Variants in SREBF1 observed in about 807,000 individuals in gnomAD.
SREBF1 encodes the protein sterol regulatory element-binding protein 1.
A neutral mutation model predicts 100.1 loss-of-function variants in SREBF1; 45 were observed. The ratio of observed to expected loss-of-function variants is 0.45; its 90% CI spans 0.35 to 0.58. The LOEUF is 0.58. Ranked by LOEUF, SREBF1 falls within the 20% of genes least tolerant of loss-of-function variation. The pLI is 0.00. For missense variants in SREBF1, 1,324 were observed against 1,539.4 expected, an observed-to-expected ratio of 0.86 and a Z score of 2.34; for synonymous variants, 657 against 681.8, an observed-to-expected ratio of 0.96 and a Z score of 0.57.
chr17:17,826,883 G>C (rs1310791677), intron 1 of SREBF1, among the ~76,000 whole-genome samples: 2 of 152,190 alleles, frequency 1.3e-5, no homozygotes, highest in African/African-American at 2.4e-5. Context: ...CCCAAACAAG[G>C]CCTTGAACCC....
At chr17:17,813,191 AC>A in intron 18 of SREBF1, 176 bp downstream of exon 18, 1 of 692,300 alleles carries the variant, frequency 1.4e-6, no homozygotes. Context: ...GCGGCCTCCA[AC>A]TCCTGGGCTC....
At chr17:17,818,589 G>T (rs2033837946) in intron 5 of SREBF1, 2 of 596,710 alleles carry the variant, frequency 3.4e-6, no homozygotes, top group Non-Finnish European at 6.1e-6. Context: ...CAGACAGCAG[G>T]GTCTGGCTAG....
chr17:17,817,747 A>G lies in SREBF1; in HGVS notation c.1353T>C (p.Gly451=), dbSNP rs772980238. 1 of 1,613,420 alleles carries G rather than the reference A, an allele frequency of 6.2e-7. No individual in the cohort carries two copies. The highest frequency in any genetic ancestry group is 1.1e-5 in the South Asian group (1 of 91,076). The change falls in exon 7 of 19, where the codon GGT becomes GGC. Residue 451 remains glycine, a synonymous_variant. Transcript: ENST00000261646. The surrounding 1 kb of genome is among the most constrained non-coding windows in gnomAD (Gnocchi z 6.6). The stretch of plus-strand genomic sequence containing the variant: ...CAGGCTCCGAGTCACTGCCACTGCC[A>G]CCGCTGCCACTGCCCCTGCTGCCAA... ...LSLGSRGSGS[G]GSGSDSEPDS... is the part of the protein sequence containing the mutation.
chr17:17,812,907 G>A, intron 18 of SREBF1, 56 bp from the exon 19 acceptor site: 1 of 1,419,192 alleles, frequency 7.0e-7, no homozygotes. Context: ...GCCCCCGCGG[G>A]AGCCCTGCCC....
rs371518920 is a variant in SREBF1, at chr17:17,814,301, T to C, written c.2845A>G (p.Ser949Gly). ...PASLTICEKA[S>G]GYLQDSLATT... ...GCCAGGCTGTCCTGCAGGTACCCAC[T>C]GGCCTTCTCACAGATGGTCAGGCTG... Residue 949 changes from serine to glycine, a missense_variant, in exon 16 of 19, where the codon AGT becomes GGT. Ser to Gly is a moderately conservative substitution (Grantham distance 56). Transcript: ENST00000261646. 215 of 1,601,902 alleles carry C rather than the reference T, an allele frequency of 1.3e-4. No homozygotes were observed. Among genetic ancestry groups the C allele is most frequent in the Non-Finnish European group, 1.8e-4 (207 of 1,175,138 alleles).
In SREBF1 at chr17:17,811,989, G is replaced by C. The variant is rs2143008345; in HGVS notation, c.*633C>G. 1 of 444,946 alleles carries C rather than the reference G, an allele frequency of 2.2e-6. No individual in the cohort carries two copies. The highest frequency in any genetic ancestry group is 2.0e-5 in the African/African-American group (1 of 49,178). 27.6% of individuals were successfully genotyped at this position (444,946 alleles called of 1,614,324 possible). On this transcript the variant is annotated 3_prime_UTR_variant, in exon 19 of 19. Coordinates refer to ENST00000261646, the MANE Select transcript of SREBF1 (RefSeq NM_004176.5). ...GTTGTGTACCTTGTGGCCGGAGGGGGAGGGGAAGCCTTTCCCTAGGTGCTG... is the reference window on the plus strand; with the variant it reads ...GTTGTGTACCTTGTGGCCGGAGGGGCAGGGGAAGCCTTTCCCTAGGTGCTG...
At chr17:17,836,556 CCAGGGAGGCT>C (rs1453216282) in intron 1 of SREBF1, among the ~76,000 whole-genome samples, 161 bp downstream of exon 1, 1 of 152,184 alleles carries the variant, frequency 6.6e-6, no homozygotes, top group African/African-American at 2.4e-5. Flanking sequence ...AGCGCGGGAA[CCAGGGAGGCT>C]CGGTGAGGCT....
At position 17,815,905 on chromosome 17, in the gene SREBF1, G is replaced by A; in HGVS notation, c.2338C>T (p.Leu780Phe). The stretch of plus-strand genomic sequence containing the variant: ...TACAGGCTCTCCCATGGGGTACTGA[G>A]CACGGACCAGTCCCCATCCACGAAG... ...RFFVDGDWSV[L>F]STPWESLYSL... Residue 780 changes from leucine to phenylalanine, a missense_variant, in exon 12 of 19, where the codon CTC (leucine) becomes TTC (phenylalanine). Coordinates refer to ENST00000261646, the MANE Select transcript of SREBF1 (RefSeq NM_004176.5). The A allele has an allele frequency of 6.2e-7, 1 of 1,612,996 alleles. No individual in the cohort carries two copies. Among genetic ancestry groups the A allele is most frequent in the Middle Eastern group, 1.7e-4 (1 of 6,060 alleles).
rs1292989264 is a variant in SREBF1, at chr17:17,819,765, C to A, written c.524-40G>T. Reference sequence around the variant, plus strand: ...CATGGGGCTGCAGACACAGACCTCCCTCTCCCACTTTCAACCTGCTCTTCA... The same window carrying A: ...CATGGGGCTGCAGACACAGACCTCCATCTCCCACTTTCAACCTGCTCTTCA... On this transcript the variant is annotated intron_variant, in intron 2 of 18. Coordinates refer to ENST00000261646, the MANE Select transcript of SREBF1 (RefSeq NM_004176.5). 1.9e-6 allele frequency: 3 copies of A among 1,544,562 alleles called. No homozygotes were observed. In the African/African-American group the frequency reaches 4.1e-5, roughly 21 times the overall value.
chr17:17,823,764 C>A (rs111787349), intron 1 of SREBF1: 1 of 196,954 alleles, frequency 5.1e-6, no homozygotes, highest in African/African-American at 2.4e-5. Flanking sequence ...TGAGCGCGCG[C>A]GGCCAATCAG....
In SREBF1 at chr17:17,824,279, G is replaced by T. The variant is rs1039946949; in HGVS notation, c.92-3758C>A. Among the ~76,000 whole-genome samples, 1 of 152,320 alleles carries T rather than the reference G, an allele frequency of 6.6e-6. No homozygotes were observed. On this transcript the variant is annotated intron_variant, in intron 1 of 18. Transcript: ENST00000261646. This position sits in a 1 kb window ranked among gnomAD's most constrained non-coding sequence, Gnocchi z 4.2. ...CACCCCTCACCACAGCGGGGCTGAT[G>T]GTCTGGGATGAGGCCACTCCTGAAA...
rs374487424 is a variant in SREBF1, at chr17:17,818,244, T to C, written c.1183+16A>G. ...GAGAAGAGGCCAGACTGGAGCTCAA[T>C]AAAGCCAGGACTCACTGCTTTTGTG... On this transcript the variant is annotated intron_variant, in intron 6 of 18. Transcript: ENST00000261646. 1 of 1,607,912 alleles carries C rather than the reference T, an allele frequency of 6.2e-7. No homozygotes were observed.
In SREBF1 at chr17:17,817,514, G is replaced by C. The variant is rs576422756; in HGVS notation, c.1405-57C>G. 6.5e-7 allele frequency: 1 copy of C among 1,547,678 alleles called. No homozygotes were observed. The highest frequency in any genetic ancestry group is 8.8e-7 in the Non-Finnish European group (1 of 1,142,494). ...AATCGGAGGGACCCCAGAGAGCATG[G>C]GGCTGGGAAGGGGGGGGTCAGGATT... On this transcript the variant is annotated intron_variant, in intron 7 of 18. Coordinates refer to ENST00000261646, the MANE Select transcript of SREBF1 (RefSeq NM_004176.5). This position sits in a 1 kb window ranked among gnomAD's most constrained non-coding sequence, Gnocchi z 6.6.
intron 13 of SREBF1, 92 bp downstream of exon 13, chr17:17,815,129 G>T: frequency 7.4e-7 from 1 of 1,356,430 alleles, no homozygotes; most frequent in Non-Finnish European, 1.1e-6. Context: ...CGGTAGCCCA[G>T]CTCTGGGCTC....
At chr17:17,823,762 C>T (rs2034297994) in intron 1 of SREBF1, 2 of 198,444 alleles carry the variant, frequency 1.0e-5, no homozygotes, top group Non-Finnish European at 1.8e-5. Context: ...GGTGAGCGCG[C>T]GCGGCCAATC....
At position 17,817,922 on chromosome 17, in the gene SREBF1, G is replaced by T. The variant is rs1329637410; in HGVS notation, c.1184-6C>A. On this transcript the variant is annotated splice_region_variant and splice_polypyrimidine_tract_variant and intron_variant, in intron 6 of 18. Transcript: ENST00000261646. This position sits in a 1 kb window ranked among gnomAD's most constrained non-coding sequence, Gnocchi z 6.6. ...CACCAGATCCTTCAGAGATTCTGTG[G>T]GCCGAAAGGAACAGAGCCAGGAGTA... The T allele has an allele frequency of 2.5e-6, 4 of 1,600,030 alleles. No individual in the cohort carries two copies. Among genetic ancestry groups the T allele is most frequent in the African/African-American group, 1.3e-5 (1 of 74,886 alleles).
In SREBF1 at chr17:17,811,403, G is replaced by GAAAAAA; in HGVS notation, c.*1213_*1218dup. On this transcript the variant is annotated 3_prime_UTR_variant, in exon 19 of 19. Transcript: ENST00000261646. ...GAGTAAAAAACAGTCATTGCATTCA[G>GAAAAAA]AAAAAAAAAAAAAAAAAAGTCAATA... 6.2e-6 allele frequency: 1 copy of GAAAAAA among 162,294 alleles called. No individual in the cohort carries two copies. The highest frequency in any genetic ancestry group is 1.3e-5 in the Non-Finnish European group (1 of 79,776). The allele number at this position is 162,294 out of a possible 1,614,324, so 10.1% of individuals were successfully genotyped here. A position where few individuals can be genotyped will look rare whatever the true frequency, so the allele number is the denominator to read the frequency against.
Position 17,819,067 on chromosome 17 carries a change from G to A in SREBF1, c.1014C>T (p.Ser338=). 6.2e-7 allele frequency: 1 copy of A among 1,614,010 alleles called. No individual in the cohort carries two copies. The highest frequency in any genetic ancestry group is 8.5e-7 in the Non-Finnish European group (1 of 1,180,044). The change falls in exon 5 of 19, where the codon TCC becomes TCT. Residue 338 remains serine, a synonymous_variant. Transcript: ENST00000261646. The stretch of plus-strand genomic sequence containing the variant: ...TGAGCTCAATGATTTTGTCATTGAT[G>A]GAGGAGCGGTAGCGCTTCTCAATGG... ...HNAIEKRYRS[S]INDKIIELKD... is the part of the protein sequence containing the mutation.
chr17:17,829,572 A>G (rs1305124814), intron 1 of SREBF1, among the ~76,000 whole-genome samples: 1 of 151,966 alleles, frequency 6.6e-6, no homozygotes, highest in Non-Finnish European at 1.5e-5. Context: ...TTGCACAGAA[A>G]CCGCCATCTG....
Sources: gnomAD v4.1 joint callset for allele counts (sites outside exome capture counted in the v4.1 genomes callset) on GRCh38, gnomAD v4.1.1 for gene constraint, Gnocchi (gnomAD v3.1) non-coding constraint, MANE v1.5 for transcripts, NCBI Gene and HGNC (gene_info 2026-07-23, HGNC 2026-07-21) for gene names.